The following IL17RE variants were observed in gnomAD, a reference collection of about 807,000 sequenced individuals.
IL17RE encodes interleukin 17 receptor E.
A neutral mutation model predicts 70.7 loss-of-function variants in IL17RE; 47 were observed. That is an observed-to-expected ratio of 0.67 (90% confidence interval 0.53 to 0.85). The LOEUF (loss-of-function observed/expected upper bound fraction) is 0.85, where lower values mean the gene tolerates loss of function less well. IL17RE is among the 40% of genes least tolerant of loss of function. IL17RE has a pLI of 0.00. For synonymous variants in IL17RE, 372 were observed against 381.2 expected, an observed-to-expected ratio of 0.98 and a Z score of 0.28; for missense variants, 850 against 893.9, an observed-to-expected ratio of 0.95 and a Z score of 0.63.
At chr3:9,909,176 G>C (rs1230823158) in intron 7 of IL17RE, 41 bp from the exon 8 acceptor site, 1 of 1,526,772 alleles carries the variant, frequency 6.5e-7, no homozygotes. Flanking sequence ...GATTGGAAAA[G>C]CCATTCCTCT....
chr3:9,902,947 A>G lies in IL17RE; in HGVS notation c.15A>G (p.Arg5=). MGSS[R]LAALLLPLLL... is the part of the protein sequence containing the mutation. ...CACAGAAGCCCATGGGGAGCTCCAG[A>G]CTGGCAGCCCTGCTCCTGCCTCTCC... The change falls in exon 1 of 16, where the codon AGA becomes AGG. Residue 5 remains arginine (R), a synonymous_variant. Transcript: ENST00000383814. 1 of 1,614,230 alleles carries G rather than the reference A, an allele frequency of 6.2e-7. No homozygotes were observed. The highest frequency in any genetic ancestry group is 8.5e-7 in the Non-Finnish European group (1 of 1,180,024).
intron 1 of IL17RE, 37 bp from the exon 2 acceptor site, chr3:9,903,360 C>T (rs761202187): frequency 6.2e-7 from 1 of 1,613,070 alleles, no homozygotes; most frequent in South Asian, 1.1e-5. Context: ...AATAATAGCT[C>T]TTTCCTTTCT....
chr3:9,902,794 C>T, upstream of IL17RE: 1 of 1,553,314 alleles, frequency 6.4e-7, no homozygotes, highest in Non-Finnish European at 8.7e-7. Flanking sequence ...CAAGGAGGAG[C>T]TTTCGGGCAG....
chr3:9,906,371 A>G lies in IL17RE; in HGVS notation c.276A>G (p.Gln92=), dbSNP rs773236908. The change falls in exon 4 of 16, where the codon CAA becomes CAG. Residue 92 remains glutamine, a synonymous_variant. Transcript: ENST00000383814. ...TACGTCTCCCCTGCACAGGTCTTCA[A>G]CGGGGCCTCTTCCACCTCCTGGTGC... ...QHLLSGGSGL[Q]RGLFHLLVQK... is the part of the protein sequence containing the mutation. 89 of 1,612,818 alleles carry G rather than the reference A, an allele frequency of 5.5e-5. No individual in the cohort carries two copies. The highest frequency in any genetic ancestry group is 1.6e-4 in the Middle Eastern group (1 of 6,068).
chr3:9,913,406 A>T (rs529787215), intron 12 of IL17RE, among the ~76,000 whole-genome samples: 7 of 151,234 alleles, frequency 4.6e-5, no homozygotes, highest in South Asian at 2.1e-4. Flanking sequence ...TCTGTCTCAA[A>T]AAATAAATAA....
At chr3:9,907,553 T>A (rs1442555824) in intron 6 of IL17RE, among the ~76,000 whole-genome samples, 1 of 152,108 alleles carries the variant, frequency 6.6e-6, no homozygotes, top group Non-Finnish European at 1.5e-5. Context: ...TTACCCCCAA[T>A]GAGAGGATCC....
At chr3:9,913,847 C>A in intron 12 of IL17RE, 109 bp from the exon 13 acceptor site, 2 of 863,294 alleles carry the variant, frequency 2.3e-6, no homozygotes, top group Non-Finnish European at 3.9e-6. Flanking sequence ...GCCTAAGCCT[C>A]GTAGGATTGG....
rs758394617 is a variant in IL17RE, at chr3:9,906,825, A to G, written c.486A>G (p.Thr162=). 6.2e-7 allele frequency: 1 copy of G among 1,614,192 alleles called. No individual in the cohort carries two copies. The highest frequency in any genetic ancestry group is 8.5e-7 in the Non-Finnish European group (1 of 1,180,034). Residue 162 remains threonine (T), a synonymous_variant, in exon 5 of 16, where the codon ACA becomes ACG. Transcript: ENST00000383814. ...GGACCCAACCTTCGGATCCAGAGAC[A>G]TGGGAAAGTCTTCCCAGATTGGACT... is the stretch of plus-strand genomic sequence containing the variant. ...SKRTQPSDPE[T]WESLPRLDSQ... is the part of the protein sequence containing the mutation.
chr3:9,908,188 C>T lies in IL17RE; in HGVS notation c.667-51C>T, dbSNP rs375608441. The T allele has an allele frequency of 8.1e-6, 12 of 1,487,012 alleles. No individual in the cohort carries two copies. In the African/African-American group the frequency reaches 9.7e-5, roughly 12 times the overall value. 92.1% of individuals were successfully genotyped at this position (1,487,012 alleles called of 1,614,324 possible). On this transcript the variant is annotated intron_variant, in intron 6 of 15. Coordinates refer to ENST00000383814, the MANE Select transcript of IL17RE (RefSeq NM_153480.2). ...CACTGTTCTGCCCTTGTCTATGTGC[C>T]CATGCTCTTTCTCAGGCATCTTTTG...
chr3:9,914,262 A>C, intron 13 of IL17RE: 2 of 724,742 alleles, frequency 2.8e-6, no homozygotes, highest in Non-Finnish European at 4.4e-6. Flanking sequence ...AATGGCCTGG[A>C]GCTCAGTGCC....
In IL17RE at chr3:9,915,453, G is replaced by A. The variant is rs969537737; in HGVS notation, c.1650G>A (p.Arg550=). 23 of 1,350,656 alleles carry A rather than the reference G, an allele frequency of 1.7e-5. No individual in the cohort carries two copies. The highest frequency in any genetic ancestry group is 2.2e-5 in the Non-Finnish European group (23 of 1,059,786). 83.7% of individuals were successfully genotyped at this position (1,350,656 alleles called of 1,614,324 possible). A position where few individuals can be genotyped will look rare whatever the true frequency, so the allele number is the denominator to read the frequency against. ...GGGCGGCGCGGACGCGCGTAGCGCG[G>A]GAGCAGGGCACTGTGCTGCTGCTGT... ...WLWAARTRVA[R]EQGTVLLLWS... is the part of the protein sequence containing the mutation. The change falls in exon 16 of 16, where the codon CGG becomes CGA. Residue 550 remains arginine, a synonymous_variant. Transcript: ENST00000383814. The surrounding 1 kb of genome is among the most constrained non-coding windows in gnomAD (Gnocchi z 4.9).
At chr3:9,906,900 T>C in intron 5 of IL17RE, 35 bp downstream of exon 5, 3 of 1,614,142 alleles carry the variant, frequency 1.9e-6, no homozygotes, top group South Asian at 2.2e-5. Context: ...TGGGTTCAGC[T>C]GAGTGGTGGT....
At chr3:9,911,807 C>CT (rs1301505891) in intron 12 of IL17RE, 21,935 of 385,322 alleles carry the variant, frequency 0.057, 7 homozygotes, top group Middle Eastern at 0.079. Flanking sequence ...TTCTTTTTTT[C>CT]TTTTTTTTTT....
intron 3 of IL17RE, 96 bp from the exon 4 acceptor site, chr3:9,906,263 TAAATA>T (rs1553569005): frequency 2.0e-6 from 1 of 504,710 alleles, no homozygotes; most frequent in Non-Finnish European, 3.4e-6. Flanking sequence ...AATAAATAAA[TAAATA>T]AAATAAAATA....
chr3:9,902,833 G>T (rs1399866767), upstream of IL17RE: 4 of 1,599,146 alleles, frequency 2.5e-6, no homozygotes, highest in African/African-American at 1.3e-5. Flanking sequence ...TGGGGCGAGG[G>T]CTCCTGCTGG....
intron 12 of IL17RE, 103 bp downstream of exon 12, chr3:9,911,700 C>T (rs998870640): frequency 8.8e-7 from 1 of 1,134,496 alleles, no homozygotes; most frequent in Non-Finnish European, 1.3e-6. Context: ...CAAACAAATC[C>T]CTGACTTTTA....
At chr3:9,909,505 CG>C in intron 8 of IL17RE, 1 of 571,868 alleles carries the variant, frequency 1.7e-6, no homozygotes, top group Non-Finnish European at 3.1e-6. Flanking sequence ...CGCTGAGCAC[CG>C]CAGTACTGTG....
At position 9,914,555 on chromosome 3, in the gene IL17RE, G is replaced by T. The variant is rs771090930; in HGVS notation, c.1304G>T (p.Arg435Leu). The change falls in exon 14 of 16, where the codon CGG (arginine) becomes CTG (leucine). Residue 435 changes from arginine to leucine, a missense_variant. By Grantham distance (102) the Arg-to-Leu change is moderately radical. Transcript: ENST00000383814. ...LRPGCCVLVWRSDVQFAWKHL... is the reference protein window; with the variant it reads ...LRPGCCVLVWLSDVQFAWKHL... ...GGGGCTCTGTGCCCTCAGGTGTGGCGGTCAGATGTCCAGTTTGCCTGGAAG... is the reference window on the plus strand; with the variant it reads ...GGGGCTCTGTGCCCTCAGGTGTGGCTGTCAGATGTCCAGTTTGCCTGGAAG... 9.9e-6 allele frequency: 16 copies of T among 1,613,894 alleles called. No individual in the cohort carries two copies. Among genetic ancestry groups the T allele is most frequent in the Non-Finnish European group, 1.4e-5 (16 of 1,179,908 alleles).
intron 12 of IL17RE, among the ~76,000 whole-genome samples, chr3:9,912,618 A>G (rs571278912): frequency 6.6e-6 from 1 of 152,326 alleles, no homozygotes; most frequent in African/African-American, 2.4e-5. Flanking sequence ...GCTCTTTCAA[A>G]CAGTTATTTC....
Sources: gnomAD v4.1 joint callset for allele counts (sites outside exome capture counted in the v4.1 genomes callset) on GRCh38, gnomAD v4.1.1 for gene constraint, Gnocchi (gnomAD v3.1) non-coding constraint, MANE v1.5 for transcripts, NCBI Gene and HGNC (gene_info 2026-07-23, HGNC 2026-07-21) for gene names.